RGS17: variants seen among roughly 807,000 people sequenced by gnomAD.
The protein encoded by RGS17 is regulator of G protein signaling 17, also known as regulator of G-protein signaling 17.
In RGS17, 12 loss-of-function variants were observed where a neutral mutation model predicts 25.5. That is an observed-to-expected ratio of 0.47 (90% CI 0.30 to 0.76). RGS17 has a LOEUF of 0.76. Ranked by LOEUF, RGS17 falls within the 30% of genes least tolerant of loss-of-function variation. The probability of loss-of-function intolerance (pLI) is 0.07; values close to 1 mark genes in which losing one functional copy is unlikely to be tolerated. For synonymous variants in RGS17, 71 were observed against 76.9 expected (o/e 0.92, Z 0.40); for missense variants, 196 against 242.2 (o/e 0.81, Z 1.27).
At chr6:153,031,954 G>A (rs531088896) in intron 2 of RGS17, among the ~76,000 whole-genome samples, 167 of 152,290 alleles carry the variant, frequency 1.1e-3, no homozygotes, top group Non-Finnish European at 1.6e-3. Flanking sequence ...AAGTAACACC[G>A]TTAATGACTG....
At chr6:153,099,710 A>G (rs1777269996) in intron 1 of RGS17, among the ~76,000 whole-genome samples, 1 of 152,210 alleles carries the variant, frequency 6.6e-6, no homozygotes. Context: ...ACCATTCATT[A>G]GTTCAGTAAC....
Position 153,054,035 on chromosome 6 carries a change from AT to A in RGS17, c.-25-9993del, listed in dbSNP as rs1562321526. ...GTATATATGTATATAATATATATAC[AT>A]ATATATGTATATATGTATATAATAT... On this transcript the variant is annotated intron_variant, in intron 1 of 4. Transcript: ENST00000206262. Among the ~76,000 whole-genome samples, 58 of 61,790 alleles carry A rather than the reference AT, an allele frequency of 9.4e-4. 6 individuals carry two copies. Among genetic ancestry groups the A allele is most frequent in the Admixed American group, 1.7e-3 (7 of 4,224 alleles). 40.5% of individuals were successfully genotyped at this position (61,790 alleles called of 152,430 possible).
chr6:153,109,254 A>G (rs1234847118), intron 1 of RGS17, among the ~76,000 whole-genome samples: 1 of 152,158 alleles, frequency 6.6e-6, no homozygotes, highest in East Asian at 1.9e-4. Flanking sequence ...CTGCCTTCAC[A>G]TAAGAGACGA....
intron 1 of RGS17, among the ~76,000 whole-genome samples, chr6:153,075,711 A>C (rs1776866600): frequency 6.6e-6 from 1 of 152,240 alleles, no homozygotes; most frequent in Admixed American, 6.5e-5. Context: ...ATCTGTCAAA[A>C]AAATGAGAAA....
chr6:153,049,950 A>G (rs926811849), intron 1 of RGS17, among the ~76,000 whole-genome samples: 1 of 152,168 alleles, frequency 6.6e-6, no homozygotes, highest in Admixed American at 6.6e-5. Context: ...ATGGGAACAG[A>G]TATGTAGATC....
At chr6:153,085,678 GTC>G (rs1377388946) in intron 1 of RGS17, among the ~76,000 whole-genome samples, 1 of 152,164 alleles carries the variant, frequency 6.6e-6, no homozygotes, top group Non-Finnish European at 1.5e-5. Context: ...ATCACAAAAT[GTC>G]TGATTCTCTC....
chr6:153,073,496 T>C (rs2129117657), intron 1 of RGS17, among the ~76,000 whole-genome samples: 1 of 152,210 alleles, frequency 6.6e-6, no homozygotes, highest in South Asian at 2.1e-4. Flanking sequence ...ATGGGTTGTT[T>C]AAAAACGGTG....
intron 1 of RGS17, among the ~76,000 whole-genome samples, chr6:153,092,854 T>G (rs990108522): frequency 1.3e-5 from 2 of 152,220 alleles, no homozygotes; most frequent in Non-Finnish European, 2.9e-5. Flanking sequence ...GAAGCAGTTA[T>G]GGTTTCAATT....
intron 1 of RGS17, among the ~76,000 whole-genome samples, chr6:153,044,778 T>C (rs1335878184): frequency 1.3e-5 from 2 of 152,206 alleles, no homozygotes; most frequent in South Asian, 2.1e-4. Context: ...AAAATAAATA[T>C]TGGGATACAG....
intron 4 of RGS17, among the ~76,000 whole-genome samples, chr6:153,020,601 AGTT>A (rs1343879058): frequency 6.6e-6 from 1 of 152,200 alleles, no homozygotes; most frequent in Non-Finnish European, 1.5e-5. Flanking sequence ...TTTAAAATGT[AGTT>A]GTTTTTCTAT....
chr6:153,006,435 A>G lies in RGS17; in HGVS notation c.*5139T>C, dbSNP rs1256773656. On this transcript the variant is annotated 3_prime_UTR_variant, in exon 5 of 5. Coordinates refer to ENST00000206262, the MANE Select transcript of RGS17 (RefSeq NM_012419.5). Reference sequence around the variant, plus strand: ...TTTATCATCTATCTATCATCTATCTATCAATCATCTATCTATCTATGTCAT... The same window carrying G: ...TTTATCATCTATCTATCATCTATCTGTCAATCATCTATCTATCTATGTCAT... 1 of 152,596 alleles carries G rather than the reference A, an allele frequency of 6.6e-6. No homozygotes were observed. The highest frequency in any genetic ancestry group is 1.5e-5 in the Non-Finnish European group (1 of 68,016). 9.5% of individuals were successfully genotyped at this position (152,596 alleles called of 1,614,324 possible). A position where few individuals can be genotyped will look rare whatever the true frequency, so the allele number is the denominator to read the frequency against.
At chr6:153,106,443 C>T (rs987338742) in intron 1 of RGS17, among the ~76,000 whole-genome samples, 3 of 150,802 alleles carry the variant, frequency 2.0e-5, no homozygotes, top group African/African-American at 7.3e-5. Context: ...TGGGATTTTG[C>T]AAGCAGGAGA....
intron 1 of RGS17, among the ~76,000 whole-genome samples, chr6:153,119,526 C>T (rs1158225259): frequency 4.6e-5 from 7 of 152,036 alleles, no homozygotes; most frequent in African/African-American, 1.4e-4. Flanking sequence ...CCTGTCTCTA[C>T]TAAAAATACA....
intron 1 of RGS17, among the ~76,000 whole-genome samples, chr6:153,123,204 G>A (rs1242263317): frequency 2.0e-5 from 3 of 151,954 alleles, no homozygotes; most frequent in Admixed American, 2.0e-4. Context: ...AGTGAATTTT[G>A]ATCATACTAA....
chr6:153,054,568 T>C (rs558262026), intron 1 of RGS17, among the ~76,000 whole-genome samples: 52 of 151,854 alleles, frequency 3.4e-4, no homozygotes, highest in South Asian at 8.3e-4. Flanking sequence ...GGAGAACTGC[T>C]TGAACACAGA....
At chr6:153,067,611 A>C (rs1021437433) in intron 1 of RGS17, among the ~76,000 whole-genome samples, 2 of 152,206 alleles carry the variant, frequency 1.3e-5, no homozygotes, top group African/African-American at 4.8e-5. Context: ...AAAGCAGTGA[A>C]AGATCTTTAT....
intron 2 of RGS17, among the ~76,000 whole-genome samples, chr6:153,030,569 C>A (rs1454944380): frequency 6.6e-6 from 1 of 152,186 alleles, no homozygotes; most frequent in Non-Finnish European, 1.5e-5. Context: ...AATAGTCTCA[C>A]ATTGTGATAT....
intron 1 of RGS17, among the ~76,000 whole-genome samples, chr6:153,098,193 A>G (rs1386720227): frequency 6.6e-6 from 1 of 152,170 alleles, no homozygotes; most frequent in Non-Finnish European, 1.5e-5. Context: ...TTACAGGAAT[A>G]AAAGAGGGAA....
intron 1 of RGS17, among the ~76,000 whole-genome samples, chr6:153,128,270 C>T (rs1430989258): frequency 6.6e-6 from 1 of 152,226 alleles, no homozygotes; most frequent in Non-Finnish European, 1.5e-5. Context: ...CATCACATAG[C>T]ATTATTCTCA....
Sources: allele counts gnomAD v4.1 joint callset (sites outside exome capture counted in the v4.1 genomes callset), GRCh38; gene constraint gnomAD v4.1.1; transcripts MANE v1.5; gene names NCBI Gene and HGNC (gene_info 2026-07-23, HGNC 2026-07-21).